The following PHIP variants were observed in gnomAD, a reference collection of about 807,000 sequenced individuals.
PHIP encodes the protein PHIP subunit of CUL4-Ring ligase complex.
Under a neutral mutation model 236.8 loss-of-function variants are expected in PHIP, and 54 were observed. That is an observed-to-expected ratio of 0.23 (90% CI 0.18 to 0.29). The LOEUF is 0.29. Among genes scored for constraint, PHIP ranks in the 10% least tolerant of loss-of-function variants. The probability of loss-of-function intolerance (pLI) is 1.00; values close to 1 mark genes in which losing one functional copy is unlikely to be tolerated. For missense variants in PHIP, 1,370 were observed against 2,190.8 expected (o/e 0.63, Z 7.48); for synonymous variants, 756 against 718.9 (o/e 1.05, Z -0.83).
intron 24 of PHIP, among the ~76,000 whole-genome samples, chr6:78,973,220 A>G (rs1767747061): frequency 6.6e-6 from 1 of 152,100 alleles, no homozygotes; most frequent in African/African-American, 2.4e-5. Flanking sequence ...GGGGGCCAAT[A>G]TTCAACATTC....
intron 6 of PHIP, among the ~76,000 whole-genome samples, chr6:79,044,507 A>T (rs1772374584): frequency 1.3e-5 from 2 of 152,152 alleles, no homozygotes; most frequent in Non-Finnish European, 2.9e-5. Flanking sequence ...AAAACCATAG[A>T]CATCAATTTT....
chr6:79,053,839 G>A (rs1037410968), intron 6 of PHIP, among the ~76,000 whole-genome samples: 2 of 152,136 alleles, frequency 1.3e-5, no homozygotes, highest in African/African-American at 4.8e-5. Context: ...TACTGGAATT[G>A]CTTGCCAGAT....
intron 6 of PHIP, among the ~76,000 whole-genome samples, chr6:79,051,770 T>C (rs1772806331): frequency 1.3e-5 from 2 of 152,232 alleles, no homozygotes; most frequent in South Asian, 4.1e-4. Context: ...ATCTTCCTCC[T>C]ATTTTATTTC....
At chr6:79,005,483 T>C (rs1316246884) in intron 15 of PHIP, among the ~76,000 whole-genome samples, 1 of 151,904 alleles carries the variant, frequency 6.6e-6, no homozygotes, top group Non-Finnish European at 1.5e-5. Context: ...AGCAACCACA[T>C]GAACAAAGTA....
At chr6:78,995,828 GC>G (rs1014535494) in intron 19 of PHIP, among the ~76,000 whole-genome samples, 5 of 152,170 alleles carry the variant, frequency 3.3e-5, no homozygotes, top group Non-Finnish European at 7.3e-5. Flanking sequence ...ATTTCAGAGA[GC>G]CTTTTTAAAA....
chr6:79,077,909 G>T lies in PHIP; in HGVS notation c.45C>A (p.Leu15=). 6.3e-7 allele frequency: 1 copy of T among 1,594,844 alleles called. No homozygotes were observed. Residue 15 remains leucine (L), a synonymous_variant, in exon 2 of 40, where the codon CTC becomes CTA. Transcript: ENST00000275034. Reference sequence around the variant, plus strand: ...CCAGGAACCGGGCGATGAGGAAGTAGAGCTCTGCGCGGGAGAGAGGGACGG... The same window carrying T: ...CCAGGAACCGGGCGATGAGGAAGTATAGCTCTGCGCGGGAGAGAGGGACGG... The part of the protein sequence containing the change: ...RKGLSELRSE[L]YFLIARFLED...
intron 17 of PHIP, among the ~76,000 whole-genome samples, chr6:78,999,673 G>A (rs1209453600): frequency 6.6e-6 from 1 of 152,048 alleles, no homozygotes; most frequent in African/African-American, 2.4e-5. Flanking sequence ...GAGAAGATCT[G>A]ATCAGCTCAG....
At chr6:79,038,744 A>G (rs1772068027) in intron 7 of PHIP, among the ~76,000 whole-genome samples, 1 of 152,132 alleles carries the variant, frequency 6.6e-6, no homozygotes, top group Non-Finnish European at 1.5e-5. Context: ...AAGCTGAATG[A>G]TTCCTAAACT....
Position 79,077,701 on chromosome 6 carries a change from T to G in PHIP, c.128A>C (p.Glu43Ala). 1 of 994,656 alleles carries G rather than the reference T, an allele frequency of 1.0e-6. No homozygotes were observed. The highest frequency in any genetic ancestry group is 1.2e-6 in the Non-Finnish European group (1 of 838,362). 61.6% of individuals were successfully genotyped at this position (994,656 alleles called of 1,614,324 possible). ...GCGCCGGGCCGCCGCCGCCCTTACCTCCTTCTCGGCCACCTCGCGGATCAG... is the reference window on the plus strand; with the variant it reads ...GCGCCGGGCCGCCGCCGCCCTTACCGCCTTCTCGGCCACCTCGCGGATCAG... ...QVLIREVAEK[E>A]LLPRRTDWTG... The change falls in exon 3 of 40, where the codon GAG becomes GCG. Residue 43 changes from glutamate (E) to alanine (A), a missense_variant and splice_region_variant. By Grantham distance (107) the Glu-to-Ala change is moderately radical. Around this residue, in one of 14 missense-constraint regions of PHIP, gnomAD observed 43 missense variants for 53.8 expected, o/e 0.80. Transcript: ENST00000275034.
chr6:78,996,213 T>C (rs192537921), intron 19 of PHIP, among the ~76,000 whole-genome samples: 2 of 152,296 alleles, frequency 1.3e-5, no homozygotes, highest in East Asian at 3.9e-4. Context: ...TTGTGTGCAA[T>C]TATACATTTG....
intron 4 of PHIP, 22 bp downstream of exon 4, chr6:79,077,426 C>G (rs771052430): frequency 1.9e-6 from 3 of 1,585,376 alleles, no homozygotes; most frequent in African/African-American, 2.7e-5. Flanking sequence ...AGTTTCTTTG[C>G]TCTGCGACGT....
chr6:78,972,187 G>C (rs558295736), intron 24 of PHIP, among the ~76,000 whole-genome samples: 1 of 151,772 alleles, frequency 6.6e-6, no homozygotes, highest in Admixed American at 6.6e-5. Flanking sequence ...ATATGAGAAC[G>C]GGCAGACTGC....
chr6:78,961,893 A>C (rs1766805513), intron 30 of PHIP, 83 bp from the exon 31 acceptor site: 2 of 1,066,418 alleles, frequency 1.9e-6, no homozygotes, highest in South Asian at 3.0e-5. Flanking sequence ...TTAAGACTTA[A>C]AAAGTCCTAA....
chr6:78,939,708 G>C lies in PHIP; in HGVS notation c.*985C>G, dbSNP rs925920228. On this transcript the variant is annotated 3_prime_UTR_variant, in exon 40 of 40. Transcript: ENST00000275034. ...AAAGTTTAGAAATGACATTAATCCAGATCAACAAGTAAACATCAAATCCCA... is the reference window on the plus strand; with the variant it reads ...AAAGTTTAGAAATGACATTAATCCACATCAACAAGTAAACATCAAATCCCA... 6.6e-6 allele frequency: 1 copy of C among 151,960 alleles called. No individual in the cohort carries two copies. Among genetic ancestry groups the C allele is most frequent in the South Asian group, 2.1e-4 (1 of 4,824 alleles). The allele number at this position is 151,960 out of a possible 1,614,324, so 9.4% of individuals were successfully genotyped here.
At chr6:79,053,871 A>G (rs542326669) in intron 6 of PHIP, among the ~76,000 whole-genome samples, 1 of 152,176 alleles carries the variant, frequency 6.6e-6, no homozygotes, top group South Asian at 2.1e-4. Context: ...AGTGGAGGGG[A>G]TATCCCTCAT....
At chr6:78,952,514 C>A (rs1766109687) in intron 35 of PHIP, among the ~76,000 whole-genome samples, 2 of 150,036 alleles carry the variant, frequency 1.3e-5, no homozygotes, top group South Asian at 4.2e-4. Context: ...TCTGTCTATT[C>A]TCTTCCACTG....
intron 39 of PHIP, among the ~76,000 whole-genome samples, chr6:78,943,402 A>G (rs1773609596): frequency 6.6e-6 from 1 of 152,216 alleles, no homozygotes; most frequent in Admixed American, 6.5e-5. Flanking sequence ...CCAATTCATC[A>G]TATATATTTG....
At chr6:78,983,873 C>A (rs761701300) in intron 22 of PHIP, among the ~76,000 whole-genome samples, 1 of 152,028 alleles carries the variant, frequency 6.6e-6, no homozygotes, top group Non-Finnish European at 1.5e-5. Context: ...AAACGATTTA[C>A]TGAACCAATC....
chr6:78,961,599 C>T, intron 31 of PHIP, 91 bp downstream of exon 31: 3 of 1,321,538 alleles, frequency 2.3e-6, no homozygotes, highest in Non-Finnish European at 2.1e-6. Flanking sequence ...TTCCTATATA[C>T]AAAAAGTTGA....
Sources: allele counts gnomAD v4.1 joint callset (sites outside exome capture counted in the v4.1 genomes callset), GRCh38; gene constraint gnomAD v4.1.1; regional missense constraint gnomAD v4.1.1; transcripts MANE v1.5; gene names NCBI Gene and HGNC (gene_info 2026-07-23, HGNC 2026-07-21).